The following UNC5C variants were observed in gnomAD, a reference collection of about 807,000 sequenced individuals.
UNC5C encodes the protein netrin receptor UNC5C.
A neutral mutation model predicts 99.8 loss-of-function variants in UNC5C; 47 were observed. That is an observed-to-expected ratio of 0.47 (90% confidence interval 0.37 to 0.60). The LOEUF is 0.60. Ranked by LOEUF, UNC5C falls within the 20% of genes least tolerant of loss-of-function variation. The probability of loss-of-function intolerance (pLI) is 0.00; values close to 1 mark genes in which losing one functional copy is unlikely to be tolerated. For synonymous variants in UNC5C, 487 were observed against 452.2 expected (o/e 1.08, Z -0.98); for missense variants, 1,062 against 1,165.9 (o/e 0.91, Z 1.30).
At chr4:95,189,373 ACCTCTGT>A (rs1415309719) in intron 12 of UNC5C, among the ~76,000 whole-genome samples, 3 of 152,222 alleles carry the variant, frequency 2.0e-5, no homozygotes, top group African/African-American at 7.2e-5. Context: ...TGCAGCCTCG[ACCTCTGT>A]GCTCAGGCAG....
chr4:95,341,437 A>G (rs1743571901), intron 1 of UNC5C, among the ~76,000 whole-genome samples: 1 of 151,772 alleles, frequency 6.6e-6, no homozygotes, highest in Non-Finnish European at 1.5e-5. Flanking sequence ...GTGTAGAATT[A>G]TACCATTTTT....
At chr4:95,483,348 CTCTT>C (rs1195905075) in intron 1 of UNC5C, among the ~76,000 whole-genome samples, 1 of 151,634 alleles carries the variant, frequency 6.6e-6, no homozygotes, top group Admixed American at 6.6e-5. Flanking sequence ...TTATCTTTAA[CTCTT>C]TCTCTTTATT....
chr4:95,505,975 G>T (rs1560487493), intron 1 of UNC5C, among the ~76,000 whole-genome samples: 1 of 152,086 alleles, frequency 6.6e-6, no homozygotes, highest in East Asian at 1.9e-4. Flanking sequence ...TATTGAAAGT[G>T]CTACCAGAAG....
At chr4:95,207,633 C>A (rs935584573) in intron 10 of UNC5C, among the ~76,000 whole-genome samples, 2 of 152,098 alleles carry the variant, frequency 1.3e-5, no homozygotes, top group African/African-American at 4.8e-5. Flanking sequence ...GCCCTCTCAA[C>A]GACAACAGTC....
chr4:95,235,843 T>C (rs1361981835), intron 7 of UNC5C, among the ~76,000 whole-genome samples: 2 of 152,144 alleles, frequency 1.3e-5, no homozygotes, highest in African/African-American at 4.8e-5. Flanking sequence ...AAAATGATCA[T>C]CACTGGCCAT....
intron 1 of UNC5C, among the ~76,000 whole-genome samples, chr4:95,394,022 G>A (rs771777576): frequency 1.4e-4 from 21 of 152,028 alleles, no homozygotes; most frequent in Non-Finnish European, 2.4e-4. Flanking sequence ...GAAGATGTAT[G>A]GCTGGGTAGC....
chr4:95,386,052 T>C (rs1027337889), intron 1 of UNC5C, among the ~76,000 whole-genome samples: 3 of 152,250 alleles, frequency 2.0e-5, no homozygotes, highest in African/African-American at 2.4e-5. Context: ...TGGTACCCAT[T>C]TGGAAACTTG....
At chr4:95,403,311 A>G (rs887237201) in intron 1 of UNC5C, among the ~76,000 whole-genome samples, 1 of 152,224 alleles carries the variant, frequency 6.6e-6, no homozygotes, top group African/African-American at 2.4e-5. Flanking sequence ...TCATGTTGGT[A>G]GAGCAATCTC....
At chr4:95,389,286 G>A (rs1310694069) in intron 1 of UNC5C, among the ~76,000 whole-genome samples, 1 of 152,150 alleles carries the variant, frequency 6.6e-6, no homozygotes, top group Non-Finnish European at 1.5e-5. Flanking sequence ...CTTCCCATCA[G>A]TGCTTATAAT....
At chr4:95,354,483 T>TATATATATATATATATA (rs1744107287) in intron 1 of UNC5C, among the ~76,000 whole-genome samples, 1 of 95,790 alleles carries the variant, frequency 1.0e-5, no homozygotes, top group African/African-American at 4.4e-5. Context: ...ATATATATTT[T>TATATATATATATATATA]TTTTTTTTTT....
chr4:95,190,948 C>A (rs1349824386), intron 12 of UNC5C, among the ~76,000 whole-genome samples: 1 of 152,170 alleles, frequency 6.6e-6, no homozygotes, highest in African/African-American at 2.4e-5. Flanking sequence ...TTCACAATAA[C>A]CAATTAAACC....
rs1236226133 is a variant in UNC5C at position 95,170,327 on chromosome 4, A to G, written c.2457T>C (p.Pro819=). The G allele has an allele frequency of 1.9e-6, 3 of 1,613,852 alleles. No individual in the cohort carries two copies. The highest frequency in any genetic ancestry group is 3.3e-4 in the Middle Eastern group (2 of 6,082). ...FQLNCTVSEE[P]TGIDLPLLDP... is the part of the protein sequence containing the mutation. ...CCAGCAGCGGCAAATCGATGCCAGTAGGTTCCTGTAGTTCAGGGACAGGAA... is the reference window on the plus strand; with the variant it reads ...CCAGCAGCGGCAAATCGATGCCAGTGGGTTCCTGTAGTTCAGGGACAGGAA... Residue 819 remains proline, a synonymous_variant, in exon 15 of 16, where the codon CCT becomes CCC. Coordinates refer to ENST00000453304, the MANE Select transcript of UNC5C (RefSeq NM_003728.4).
At chr4:95,375,737 T>C (rs146181574) in intron 1 of UNC5C, among the ~76,000 whole-genome samples, 1 of 152,318 alleles carries the variant, frequency 6.6e-6, no homozygotes, top group East Asian at 1.9e-4. Context: ...ATGCTCATTA[T>C]TTAGCATTAT....
chr4:95,407,591 G>C (rs1318436902), intron 1 of UNC5C, among the ~76,000 whole-genome samples: 2 of 152,150 alleles, frequency 1.3e-5, no homozygotes, highest in East Asian at 3.9e-4. Context: ...AGCACTTAGG[G>C]ATACATTAAT....
chr4:95,334,370 G>T (rs4699420), intron 2 of UNC5C, among the ~76,000 whole-genome samples: 59,344 of 151,744 alleles, frequency 0.39, 13,467 homozygotes, highest in East Asian at 0.83. Context: ...GAGATATCTA[G>T]TAAGGGTAAA....
intron 1 of UNC5C, among the ~76,000 whole-genome samples, chr4:95,465,564 C>A (rs1230674711): frequency 1.3e-5 from 2 of 152,048 alleles, no homozygotes; most frequent in Non-Finnish European, 2.9e-5. Context: ...TCTCCCAGTG[C>A]CATCCTTTCT....
chr4:95,506,060 T>A (rs1217505865), intron 1 of UNC5C, among the ~76,000 whole-genome samples: 3 of 152,056 alleles, frequency 2.0e-5, no homozygotes. Context: ...ACATGTTTTT[T>A]AAAATTTACA....
At chr4:95,208,059 A>G (rs549508475) in intron 10 of UNC5C, among the ~76,000 whole-genome samples, 18 of 152,224 alleles carry the variant, frequency 1.2e-4, no homozygotes, top group Admixed American at 4.6e-4. Flanking sequence ...TCGGGTTTCT[A>G]TCTTCATTTT....
intron 3 of UNC5C, among the ~76,000 whole-genome samples, chr4:95,286,823 C>CAG (rs1741253094): frequency 6.6e-6 from 1 of 151,882 alleles, no homozygotes; most frequent in Non-Finnish European, 1.5e-5. Flanking sequence ...GGCCACAGAC[C>CAG]CCAAATCTGA....
Sources: allele counts gnomAD v4.1 joint callset (sites outside exome capture counted in the v4.1 genomes callset), GRCh38; gene constraint gnomAD v4.1.1; transcripts MANE v1.5; gene names NCBI Gene and HGNC (gene_info 2026-07-23, HGNC 2026-07-21).